The following CPOX variants were observed in gnomAD, a reference collection of about 807,000 sequenced individuals.
The protein encoded by CPOX is oxygen-dependent coproporphyrinogen-III oxidase, mitochondrial.
Under a neutral mutation model 48.9 loss-of-function variants are expected in CPOX, and 24 were observed. The ratio of observed to expected loss-of-function variants is 0.49; its 90% CI spans 0.36 to 0.69. CPOX has a LOEUF of 0.69. Ranked by LOEUF, CPOX falls within the 30% of genes least tolerant of loss-of-function variation. CPOX has a pLI of 0.00. For missense variants in CPOX, 549 were observed against 597.3 expected (o/e 0.92, Z 0.84); for synonymous variants, 249 against 234.6 (o/e 1.06, Z -0.56).
rs1326624285 is a variant in CPOX, at chr3:98,580,892, G to T, written c.1278-122C>A. 1.2e-5 allele frequency: 14 copies of T among 1,190,056 alleles called. No homozygotes were observed. In the Admixed American group the frequency reaches 2.6e-4, roughly 22 times the overall value. The allele number at this position is 1,190,056 out of a possible 1,614,324, so 73.7% of individuals were successfully genotyped here. ...AAAAAAAAAAGCCTTATACTTCTTT[G>T]TCTCTACTGTGCCTGATGTGCCTTG... On this transcript the variant is annotated intron_variant, in intron 6 of 6. Transcript: ENST00000647941.
rs372927967 is a variant in CPOX at position 98,588,790 on chromosome 3, G to A, written c.876C>T (p.Asp292=). 2.3e-5 allele frequency: 37 copies of A among 1,613,964 alleles called. No homozygotes were observed. The highest frequency in any genetic ancestry group is 3.3e-4 in the Middle Eastern group (2 of 6,084). The change falls in exon 4 of 7, where the codon GAC becomes GAT. Residue 292 remains aspartate (D), a synonymous_variant. Coordinates refer to ENST00000647941, the MANE Select transcript of CPOX (RefSeq NM_000097.7). ...TCAGAGTTCTGTGAAAATGGACAGCGTCTTCTTGATTCAAGTATGTTGGAG... is the reference window on the plus strand; with the variant it reads ...TCAGAGTTCTGTGAAAATGGACAGCATCTTCTTGATTCAAGTATGTTGGAG... The part of the protein sequence containing the change: ...DLTPTYLNQE[D]AVHFHRTLKE...
intron 1 of CPOX, 141 bp downstream of exon 1, chr3:98,592,808 G>A: frequency 1.2e-6 from 1 of 853,168 alleles, no homozygotes. Context: ...TTTTATCAGC[G>A]GCCTCTAACC....
At chr3:98,575,938 G>A (rs1386524570), downstream of CPOX, among the ~76,000 whole-genome samples, 3 of 152,088 alleles carry the variant, frequency 2.0e-5, no homozygotes, top group Non-Finnish European at 4.4e-5. Flanking sequence ...CGGGCGTGCT[G>A]GCACATGCCT....
the CPOX span, among the ~76,000 whole-genome samples, chr3:98,573,412 G>A: frequency 2.0e-5 from 3 of 152,140 alleles, no homozygotes; most frequent in African/African-American, 7.2e-5. Flanking sequence ...TTCAACAAGA[G>A]TCAGATTTCA....
chr3:98,579,153 T>C (rs1707204549), downstream of CPOX, among the ~76,000 whole-genome samples: 2 of 152,260 alleles, frequency 1.3e-5, no homozygotes, highest in Admixed American at 1.3e-4. Context: ...ATATATCTTC[T>C]TTCTTACGAT....
Position 98,579,861 on chromosome 3 carries a change from A to G in CPOX, c.*822T>C. The G allele has an allele frequency of 3.0e-6, 3 of 985,416 alleles. No homozygotes were observed. Among genetic ancestry groups the G allele is most frequent in the Non-Finnish European group, 3.6e-6 (3 of 829,496 alleles). The allele number at this position is 985,416 out of a possible 1,614,324, so 61.0% of individuals were successfully genotyped here. A position where few individuals can be genotyped will look rare whatever the true frequency, so the allele number is the denominator to read the frequency against. ...CAAATGAGAAACATTGCCTAAATTC[A>G]TGACATCCCTAGGATTATTCTTAGT... On this transcript the variant is annotated 3_prime_UTR_variant, in exon 7 of 7. Coordinates refer to ENST00000647941, the MANE Select transcript of CPOX (RefSeq NM_000097.7).
chr3:98,579,879 T>G lies in CPOX; in HGVS notation c.*804A>C. On this transcript the variant is annotated 3_prime_UTR_variant, in exon 7 of 7. Transcript: ENST00000647941. ...TAAATTCATGACATCCCTAGGATTA[T>G]TCTTAGTCTCAACTTCCACACAGAG... 2.0e-6 allele frequency: 2 copies of G among 985,336 alleles called. No homozygotes were observed. The highest frequency in any genetic ancestry group is 1.7e-5 in the African/African-American group (1 of 57,354). 61.0% of individuals were successfully genotyped at this position (985,336 alleles called of 1,614,324 possible).
At chr3:98,582,137 A>AT (rs372210235) in intron 5 of CPOX, among the ~76,000 whole-genome samples, 15 of 150,198 alleles carry the variant, frequency 1.0e-4, no homozygotes, top group Non-Finnish European at 1.0e-4. Flanking sequence ...CAGTGTTTTC[A>AT]TTTTTTTTTT....
chr3:98,577,439 G>A (rs540596505), downstream of CPOX, among the ~76,000 whole-genome samples: 8 of 152,276 alleles, frequency 5.3e-5, no homozygotes, highest in South Asian at 1.5e-3. Flanking sequence ...GACTAAAGTA[G>A]GGTGGTGGCA....
rs1378997800 is a variant in CPOX, at chr3:98,590,685, T to C, written c.758A>G (p.His253Arg). The change falls in exon 3 of 7, where the codon CAT becomes CGT. Residue 253 changes from histidine (H) to arginine (R), a missense_variant. Transcript: ENST00000647941. ...GTAGTTGAAATGGATAGTAGGAGCA[T>C]GAGGATTCTTGGGGTGGATAACAGA... ...VSSVIHPKNP[H>R]APTIHFNYRY... 3.1e-6 allele frequency: 5 copies of C among 1,614,004 alleles called. No homozygotes were observed. The African/African-American group carries it at 4.0e-5, about 13-fold the overall frequency.
In CPOX at chr3:98,590,682, G is replaced by A. The variant is rs145716622; in HGVS notation, c.761C>T (p.Ala254Val). 2.2e-5 allele frequency: 35 copies of A among 1,614,088 alleles called. No individual in the cohort carries two copies. In the African/African-American group the frequency reaches 4.4e-4, roughly 20 times the overall value. The change falls in exon 3 of 7, where the codon GCT (alanine) becomes GTT (valine). Residue 254 changes from alanine (A) to valine (V), a missense_variant. Coordinates refer to ENST00000647941, the MANE Select transcript of CPOX (RefSeq NM_000097.7). ...TCTGTAGTTGAAATGGATAGTAGGA[G>A]CATGAGGATTCTTGGGGTGGATAAC... ...SSVIHPKNPHAPTIHFNYRYF... is the reference protein window; with the variant it reads ...SSVIHPKNPHVPTIHFNYRYF...
At chr3:98,585,851 A>G in intron 4 of CPOX, 192 bp from the exon 5 acceptor site, 1 of 633,800 alleles carries the variant, frequency 1.6e-6, no homozygotes, top group Non-Finnish European at 2.9e-6. Flanking sequence ...CAAGGTAGAA[A>G]ATGCTTATCC....
At chr3:98,584,815 G>GT (rs1388348339) in intron 5 of CPOX, among the ~76,000 whole-genome samples, 1 of 152,132 alleles carries the variant, frequency 6.6e-6, no homozygotes, top group African/African-American at 2.4e-5. Context: ...GAGTATCATG[G>GT]TAAGAAGCAC....
the CPOX span, among the ~76,000 whole-genome samples, chr3:98,572,475 T>C: frequency 6.6e-6 from 1 of 152,234 alleles, no homozygotes; most frequent in African/African-American, 2.4e-5. Context: ...CAGTATGTTA[T>C]GAAACTTTTA....
Position 98,593,234 on chromosome 3 carries a change from C to T in CPOX, c.271G>A (p.Ala91Thr), listed in dbSNP as rs747032096. The change falls in exon 1 of 7, where the codon GCC (alanine) becomes ACC (threonine). Residue 91 changes from alanine to threonine, a missense_variant. By Grantham distance (58) the Ala-to-Thr change is moderately conservative. Around this residue, in one of 2 missense-constraint regions of CPOX, gnomAD observed 336 missense variants for 318.1 expected, o/e 1.06. Transcript: ENST00000647941. The stretch of plus-strand genomic sequence containing the variant: ...GCCCGCTGCACATGCCCGAAGGCGG[C>T]GGTGGCCAGCCCCACCAACCCCGCC... ...ALAGLVGLAT[A>T]AFGHVQRAEM... 6.5e-7 allele frequency: 1 copy of T among 1,546,216 alleles called. No homozygotes were observed. The highest frequency in any genetic ancestry group is 1.2e-5 in the South Asian group (1 of 81,276).
Position 98,593,579 on chromosome 3 carries a change from A to C in CPOX, c.-75T>G. The C allele has an allele frequency of 1.4e-6, 2 of 1,421,440 alleles. No homozygotes were observed. The highest frequency in any genetic ancestry group is 1.3e-5 in the South Asian group (1 of 76,752). The allele number at this position is 1,421,440 out of a possible 1,614,324, so 88.1% of individuals were successfully genotyped here. On this transcript the variant is annotated 5_prime_UTR_variant, in exon 1 of 7. Transcript: ENST00000647941. ...TTGAGCCCCCCACCCAGACCCCCGG[A>C]GTATTGAGCCGGCGAGCTGCACAGG...
chr3:98,583,090 T>C (rs10935437), intron 5 of CPOX, among the ~76,000 whole-genome samples: 47,265 of 152,090 alleles, frequency 0.31, 8,028 homozygotes, highest in Middle Eastern at 0.44. Flanking sequence ...CTAGTTTATA[T>C]TGATGTATTT....
chr3:98,576,931 T>A (rs543780316), downstream of CPOX, among the ~76,000 whole-genome samples: 1 of 152,288 alleles, frequency 6.6e-6, no homozygotes, highest in East Asian at 1.9e-4. Flanking sequence ...CCACCTTCAA[T>A]ATTTTGTAAT....
downstream of CPOX, among the ~76,000 whole-genome samples, chr3:98,579,097 G>C (rs147046145): frequency 1.3e-4 from 20 of 152,274 alleles, no homozygotes; most frequent in Admixed American, 3.9e-4. Context: ...AAAACAATGA[G>C]GATGAAGACC....
Sources: gnomAD v4.1 joint callset for allele counts (sites outside exome capture counted in the v4.1 genomes callset) on GRCh38, gnomAD v4.1.1 for gene constraint, gnomAD v4.1.1 regional missense constraint, MANE v1.5 for transcripts, NCBI Gene and HGNC (gene_info 2026-07-23, HGNC 2026-07-21) for gene names.